Variants in METAP1D observed in about 807,000 individuals in gnomAD.
METAP1D encodes methionyl aminopeptidase type 1D, mitochondrial, also known as methionine aminopeptidase 1D, mitochondrial.
In METAP1D, 31 loss-of-function variants were observed where a neutral mutation model predicts 40.5. The observed-to-expected ratio is 0.77, with a 90% CI of 0.58 to 1.03. METAP1D has a LOEUF of 1.03. METAP1D is among the 50% of genes least tolerant of loss of function. METAP1D has a pLI of 0.00. For synonymous variants in METAP1D, 151 were observed against 146.4 expected (o/e 1.03, Z -0.22); for missense variants, 411 against 420.7 (o/e 0.98, Z 0.20).
At chr2:172,009,245 G>A (rs1007777350) in intron 1 of METAP1D, among the ~76,000 whole-genome samples, 7 of 151,562 alleles carry the variant, frequency 4.6e-5, no homozygotes, top group Admixed American at 4.6e-4. Context: ...GGGTTTCACC[G>A]TGTTAGCCAG....
intron 1 of METAP1D, among the ~76,000 whole-genome samples, chr2:172,040,778 G>A (rs34737109): frequency 0.45 from 58,300 of 130,362 alleles, 12,895 homozygotes; most frequent in African/African-American, 0.57. Flanking sequence ...ATGGAGTCTC[G>A]CTCTCTCTCC....
intron 1 of METAP1D, among the ~76,000 whole-genome samples, chr2:172,046,769 T>A (rs1689773073): frequency 6.6e-6 from 1 of 152,234 alleles, no homozygotes. Flanking sequence ...ATAGTTTCAT[T>A]AAACGGTCTC....
intron 6 of METAP1D, among the ~76,000 whole-genome samples, chr2:172,076,768 C>T (rs762182602): frequency 4.6e-4 from 70 of 152,328 alleles, no homozygotes; most frequent in Middle Eastern, 6.8e-3. Context: ...CTGTTAGAGA[C>T]TCTAGTTTGA....
At chr2:172,028,291 G>GTTTTT (rs1689165185) in intron 1 of METAP1D, among the ~76,000 whole-genome samples, 1 of 152,188 alleles carries the variant, frequency 6.6e-6, no homozygotes, top group Non-Finnish European at 1.5e-5. Flanking sequence ...GCCCAGAAAG[G>GTTTTT]GCTTAGTGTC....
chr2:172,037,215 T>C (rs1008977065), intron 1 of METAP1D, among the ~76,000 whole-genome samples: 1 of 151,526 alleles, frequency 6.6e-6, no homozygotes, highest in Non-Finnish European at 1.5e-5. Context: ...TAAGCCAAAA[T>C]CGTGCCGTTG....
intron 1 of METAP1D, among the ~76,000 whole-genome samples, chr2:172,020,274 C>T (rs1481461199): frequency 6.6e-6 from 1 of 152,200 alleles, no homozygotes; most frequent in Non-Finnish European, 1.5e-5. Context: ...CGTGAGCCAC[C>T]GCGCCCGGCC....
intron 1 of METAP1D, among the ~76,000 whole-genome samples, chr2:172,034,640 A>G (rs1343796446): frequency 6.6e-6 from 1 of 152,202 alleles, no homozygotes; most frequent in Non-Finnish European, 1.5e-5. Flanking sequence ...TTCTGCTTCA[A>G]CAAGCAGTAT....
chr2:172,015,890 G>T (rs1171952750), intron 1 of METAP1D, among the ~76,000 whole-genome samples: 1 of 151,822 alleles, frequency 6.6e-6, no homozygotes, highest in Non-Finnish European at 1.5e-5. Flanking sequence ...GGAGTTTAAG[G>T]CTGCAGTGAG....
At chr2:172,003,475 A>G (rs1313757052) in intron 1 of METAP1D, among the ~76,000 whole-genome samples, 2 of 152,182 alleles carry the variant, frequency 1.3e-5, no homozygotes, top group Non-Finnish European at 2.9e-5. Context: ...AGGTAGAGGT[A>G]ATTGGATCAT....
At chr2:172,053,409 GT>G (rs985442513) in intron 1 of METAP1D, among the ~76,000 whole-genome samples, 5 of 151,984 alleles carry the variant, frequency 3.3e-5, no homozygotes, top group South Asian at 4.2e-4. Flanking sequence ...AGTAAGTTGG[GT>G]TTTTTTTCTT....
rs868657831 is a variant in METAP1D at position 172,034,572 on chromosome 2, A to C, written c.41-26926A>C. On this transcript the variant is annotated intron_variant, in intron 1 of 9. Coordinates refer to ENST00000315796, the MANE Select transcript of METAP1D (RefSeq NM_199227.3). ...TTGCCACAAATATATCAACTGTTTT[A>C]TTATTATGAAGTTCCTGAAAGGATC... 3.9e-5 allele frequency among the ~76,000 whole-genome samples: 6 copies of C among 152,306 alleles called. No individual in the cohort carries two copies. In the South Asian group the frequency reaches 8.3e-4, roughly 21 times the overall value.
chr2:172,035,416 C>T (rs1005503236), intron 1 of METAP1D, among the ~76,000 whole-genome samples: 8 of 151,854 alleles, frequency 5.3e-5, no homozygotes, highest in African/African-American at 9.7e-5. Context: ...CTACCGCCTC[C>T]GCCTCCCAAA....
intron 2 of METAP1D, among the ~76,000 whole-genome samples, chr2:172,062,214 G>A (rs927601544): frequency 6.6e-5 from 10 of 152,060 alleles, no homozygotes; most frequent in African/African-American, 1.2e-4. Context: ...GGGAGTGTGC[G>A]AGTGAGCCCT....
intron 1 of METAP1D, among the ~76,000 whole-genome samples, chr2:172,016,275 CA>C (rs1172458646): frequency 1.5e-3 from 15 of 9,722 alleles, no homozygotes; most frequent in African/African-American, 6.9e-3. Flanking sequence ...GACCCTGTCT[CA>C]AAAAAAAAAA....
At chr2:172,040,113 A>G (rs1689483525) in intron 1 of METAP1D, among the ~76,000 whole-genome samples, 1 of 150,326 alleles carries the variant, frequency 6.7e-6, no homozygotes, top group South Asian at 2.1e-4. Flanking sequence ...GCTCGCCATC[A>G]CGCCCGGCTA....
rs1393862050 is a variant in METAP1D, at chr2:172,042,183, G to A, written c.41-19315G>A. On this transcript the variant is annotated intron_variant, in intron 1 of 9. Transcript: ENST00000315796. ...CATGTGTACACATATACATATGTAT[G>A]TGTACATGTGTACACATATACATAT... is the stretch of plus-strand genomic sequence containing the variant. Among the ~76,000 whole-genome samples, 12 of 88,328 alleles carry A rather than the reference G, an allele frequency of 1.4e-4. 2 individuals are homozygous for A. The highest frequency in any genetic ancestry group is 3.5e-4 in the African/African-American group (11 of 31,730). 57.9% of individuals were successfully genotyped at this position (88,328 alleles called of 152,430 possible).
At chr2:172,079,332 G>T in intron 8 of METAP1D, 70 bp downstream of exon 8, 1 of 1,457,094 alleles carries the variant, frequency 6.9e-7, no homozygotes, top group South Asian at 1.1e-5. Flanking sequence ...GCCTAGGCCC[G>T]GCAGTCCGGT....
In METAP1D at chr2:172,064,619, C is replaced by CA. The variant is rs35487971; in HGVS notation, c.348+776dup. Among the ~76,000 whole-genome samples, 196 of 103,168 alleles carry CA rather than the reference C, an allele frequency of 1.9e-3. 2 individuals carry two copies. The highest frequency in any genetic ancestry group is 6.1e-3 in the Middle Eastern group (1 of 164). 67.7% of individuals were successfully genotyped at this position (103,168 alleles called of 152,430 possible). On this transcript the variant is annotated intron_variant, in intron 3 of 9. Transcript: ENST00000315796. ...TGGGCAACAGAGTGAGACTCCATCT[C>CA]AAAAAAAAAAAAAAAAAGATTTAGT...
chr2:172,048,832 A>G (rs1689818811), intron 1 of METAP1D, among the ~76,000 whole-genome samples: 1 of 152,214 alleles, frequency 6.6e-6, no homozygotes, highest in African/African-American at 2.4e-5. Context: ...TGAATTTGTC[A>G]TTTTACTGTG....
Sources: allele counts gnomAD v4.1 joint callset (sites outside exome capture counted in the v4.1 genomes callset), GRCh38; gene constraint gnomAD v4.1.1; transcripts MANE v1.5; gene names NCBI Gene and HGNC (gene_info 2026-07-23, HGNC 2026-07-21).